ARFIP1: variants seen among roughly 807,000 people sequenced by gnomAD.
ARFIP1 encodes the protein ARF interacting protein 1.
A neutral mutation model predicts 42.5 loss-of-function variants in ARFIP1; 24 were observed. The observed-to-expected ratio is 0.57, with a 90% confidence interval of 0.41 to 0.80. The LOEUF (loss-of-function observed/expected upper bound fraction) is 0.80. ARFIP1 is among the 30% of genes least tolerant of loss of function. The pLI, the probability that ARFIP1 is intolerant of heterozygous loss-of-function variation, is 0.00. For synonymous variants in ARFIP1, 141 were observed against 153.7 expected, an observed-to-expected ratio of 0.92 and a Z score of 0.61; for missense variants, 354 against 434.0, an observed-to-expected ratio of 0.82 and a Z score of 1.64.
At chr4:152,795,162 TTTTGTTTG>T (rs142814353) in intron 1 of ARFIP1, among the ~76,000 whole-genome samples, 21,622 of 151,764 alleles carry the variant, frequency 0.14, 1,654 homozygotes, top group African/African-American at 0.2. Context: ...CTTCCGGTGT[TTTTGTTTG>T]TTTGTTTGTT....
chr4:152,881,702 G>T (rs1249224692), intron 6 of ARFIP1, among the ~76,000 whole-genome samples: 2 of 152,088 alleles, frequency 1.3e-5, no homozygotes, highest in African/African-American at 4.8e-5. Flanking sequence ...ACAAATCAAG[G>T]TCTATAATAT....
chr4:152,819,533 G>A (rs1578865043), intron 1 of ARFIP1, among the ~76,000 whole-genome samples: 1 of 152,264 alleles, frequency 6.6e-6, no homozygotes, highest in East Asian at 1.9e-4. Flanking sequence ...CTGGAGTATG[G>A]CAGCTTCACT....
At chr4:152,862,946 T>A (rs1203195417) in intron 2 of ARFIP1, among the ~76,000 whole-genome samples, 1 of 152,212 alleles carries the variant, frequency 6.6e-6, no homozygotes, top group Admixed American at 6.5e-5. Flanking sequence ...ACTTAGAATA[T>A]ACTTAACTAG....
intron 1 of ARFIP1, among the ~76,000 whole-genome samples, chr4:152,797,834 C>T (rs368067222): frequency 6.6e-6 from 1 of 152,008 alleles, no homozygotes; most frequent in Non-Finnish European, 1.5e-5. Context: ...ATTGATTCTT[C>T]AAGGGTTTTT....
At chr4:152,812,888 T>G (rs909627791) in intron 1 of ARFIP1, among the ~76,000 whole-genome samples, 5 of 152,230 alleles carry the variant, frequency 3.3e-5, no homozygotes, top group African/African-American at 1.2e-4. Context: ...TCTGCTTCCT[T>G]AATATCTGTT....
At chr4:152,805,064 T>A (rs1215665440) in intron 1 of ARFIP1, among the ~76,000 whole-genome samples, 1 of 152,152 alleles carries the variant, frequency 6.6e-6, no homozygotes, top group African/African-American at 2.4e-5. Flanking sequence ...AAGGCCAGAT[T>A]TTTAGTGATG....
At chr4:152,869,905 T>G (rs564823164) in intron 3 of ARFIP1, among the ~76,000 whole-genome samples, 12 of 152,294 alleles carry the variant, frequency 7.9e-5, no homozygotes, top group Non-Finnish European at 1.8e-4. Flanking sequence ...TTCTCAAACT[T>G]GGTTGTGTTT....
At chr4:152,893,142 C>T (rs1737003291) in intron 8 of ARFIP1, among the ~76,000 whole-genome samples, 1 of 152,164 alleles carries the variant, frequency 6.6e-6, no homozygotes, top group Admixed American at 6.6e-5. Context: ...AGCAATGGTG[C>T]AGGTATATAG....
chr4:152,910,298 G>C lies in ARFIP1; in HGVS notation c.*79G>C, dbSNP rs1357208223. On this transcript the variant is annotated 3_prime_UTR_variant, in exon 9 of 9. Coordinates refer to ENST00000353617, the MANE Select transcript of ARFIP1 (RefSeq NM_001025595.3). ...TAACAAGAATTAAGCAGAGTTGGGGGAAGTGGGAGGGGTGACAAGCATTAT... is the reference window on the plus strand; with the variant it reads ...TAACAAGAATTAAGCAGAGTTGGGGCAAGTGGGAGGGGTGACAAGCATTAT... 1 of 1,475,890 alleles carries C rather than the reference G, an allele frequency of 6.8e-7. No homozygotes were observed. Among genetic ancestry groups the C allele is most frequent in the African/African-American group, 1.4e-5 (1 of 70,952 alleles). The allele number at this position is 1,475,890 out of a possible 1,614,324, so 91.4% of individuals were successfully genotyped here.
chr4:152,789,231 C>T (rs1246638034), intron 1 of ARFIP1, among the ~76,000 whole-genome samples: 2 of 151,708 alleles, frequency 1.3e-5, no homozygotes. Flanking sequence ...GCTGGGTCTA[C>T]AGGTACATGC....
rs1283914912 is a variant in ARFIP1, at chr4:152,831,931, GC to G, written c.93+2211del. Reference sequence around the variant, plus strand: ...TTGTCCTAATGCTCTCCCTCCCTTTGCCCCCCACCCCCCGAGTATTTCAGTG... The same window carrying G: ...TTGTCCTAATGCTCTCCCTCCCTTTGCCCCCACCCCCCGAGTATTTCAGTG... On this transcript the variant is annotated intron_variant, in intron 2 of 8. Coordinates refer to ENST00000353617, the MANE Select transcript of ARFIP1 (RefSeq NM_001025595.3). 3.4e-5 allele frequency among the ~76,000 whole-genome samples: 5 copies of G among 148,116 alleles called. No individual in the cohort carries two copies. The East Asian group carries it at 1.0e-3, about 30-fold the overall frequency.
At chr4:152,844,352 A>C (rs72723688) in intron 2 of ARFIP1, among the ~76,000 whole-genome samples, 1 of 152,212 alleles carries the variant, frequency 6.6e-6, no homozygotes, top group African/African-American at 2.4e-5. Flanking sequence ...TCTTGCAGTC[A>C]ATCTGGAGCT....
chr4:152,812,116 G>A (rs1729516675), intron 1 of ARFIP1, among the ~76,000 whole-genome samples: 1 of 152,178 alleles, frequency 6.6e-6, no homozygotes, highest in African/African-American at 2.4e-5. Flanking sequence ...TTCCATTGCT[G>A]TAATTTTCTC....
chr4:152,797,573 G>A (rs1199765166), intron 1 of ARFIP1, among the ~76,000 whole-genome samples: 1 of 152,164 alleles, frequency 6.6e-6, no homozygotes, highest in Non-Finnish European at 1.5e-5. Flanking sequence ...TTGTCATCCT[G>A]TCTTAGAATG....
intron 1 of ARFIP1, among the ~76,000 whole-genome samples, chr4:152,815,932 G>A (rs1729848192): frequency 6.6e-6 from 1 of 151,700 alleles, no homozygotes; most frequent in Non-Finnish European, 1.5e-5. Context: ...TTTTAGTAGA[G>A]ACGGGGTTTC....
intron 2 of ARFIP1, among the ~76,000 whole-genome samples, chr4:152,833,990 G>T (rs769046720): frequency 2.6e-5 from 4 of 152,160 alleles, no homozygotes; most frequent in Non-Finnish European, 4.4e-5. Flanking sequence ...GCCAACATCT[G>T]CTCAGCTTCT....
rs144693416 is a variant in ARFIP1 at position 152,887,546 on chromosome 4, C to G, written c.792-587C>G. 2.4e-3 allele frequency among the ~76,000 whole-genome samples: 359 copies of G among 152,076 alleles called. 2 individuals are homozygous for G. The highest frequency in any genetic ancestry group is 8.2e-3 in the African/African-American group (339 of 41,522). ...AAATGTAAAGTACCTATGAATAATT[C>G]TGTTACATTGATTACATGCCACAAT... On this transcript the variant is annotated intron_variant, in intron 7 of 8. Coordinates refer to ENST00000353617, the MANE Select transcript of ARFIP1 (RefSeq NM_001025595.3).
intron 2 of ARFIP1, among the ~76,000 whole-genome samples, chr4:152,858,862 T>G (rs1477241946): frequency 6.6e-6 from 1 of 152,166 alleles, no homozygotes; most frequent in Non-Finnish European, 1.5e-5. Context: ...TTGTGGGGGT[T>G]GGAGGGGATT....
chr4:152,893,855 A>C (rs1258980425), intron 8 of ARFIP1, among the ~76,000 whole-genome samples: 1 of 152,166 alleles, frequency 6.6e-6, no homozygotes. Context: ...TCTTAGATTG[A>C]TATGAAAACT....
Sources: allele counts gnomAD v4.1 joint callset (sites outside exome capture counted in the v4.1 genomes callset), GRCh38; gene constraint gnomAD v4.1.1; transcripts MANE v1.5; gene names NCBI Gene and HGNC (gene_info 2026-07-23, HGNC 2026-07-21).